Variants in HDAC9 observed in about 807,000 individuals in gnomAD.
HDAC9 encodes histone deacetylase 9, also known as MEF-2 interacting transcription repressor (MITR) protein.
Under a neutral mutation model 139.4 loss-of-function variants are expected in HDAC9, and 41 were observed. The ratio of observed to expected loss-of-function variants is 0.29; its 90% CI spans 0.23 to 0.38. HDAC9 has a LOEUF of 0.38. Ranked by LOEUF, HDAC9 falls within the 10% of genes least tolerant of loss-of-function variation. HDAC9 has a pLI of 1.00. For missense variants in HDAC9, 1,147 were observed against 1,297.0 expected (o/e 0.88, Z 1.78); for synonymous variants, 517 against 476.2 (o/e 1.09, Z -1.12).
At chr7:18,429,724 G>A (rs1472275798) in intron 1 of HDAC9, among the ~76,000 whole-genome samples, 2 of 152,182 alleles carry the variant, frequency 1.3e-5, no homozygotes, top group Non-Finnish European at 2.9e-5. Context: ...TAAACTTGGA[G>A]AGGCAGAAAT....
intron 2 of HDAC9, among the ~76,000 whole-genome samples, chr7:18,523,936 C>T (rs992477029): frequency 1.6e-5 from 2 of 127,698 alleles, no homozygotes; most frequent in Non-Finnish European, 3.2e-5. Context: ...CATTGCTTGT[C>T]TTGCTATTCA....
chr7:18,647,466 C>G (rs963416522), intron 9 of HDAC9, among the ~76,000 whole-genome samples: 2 of 152,230 alleles, frequency 1.3e-5, no homozygotes, highest in Middle Eastern at 3.4e-3. Context: ...TAGTCATCAT[C>G]ATGTACAACA....
chr7:18,582,941 A>T (rs912485636), intron 2 of HDAC9, among the ~76,000 whole-genome samples: 8 of 152,180 alleles, frequency 5.3e-5, no homozygotes, highest in African/African-American at 1.9e-4. Flanking sequence ...ATATGTATAC[A>T]CGTGGGTCAT....
intron 1 of HDAC9, among the ~76,000 whole-genome samples, chr7:18,132,464 C>T (rs1037988756): frequency 2.0e-5 from 3 of 151,976 alleles, no homozygotes; most frequent in Admixed American, 1.3e-4. Flanking sequence ...GGTTAAAGTG[C>T]AGCGGGTGAT....
intron 2 of HDAC9, among the ~76,000 whole-genome samples, chr7:18,206,016 T>A (rs1791484570): frequency 6.6e-6 from 1 of 152,192 alleles, no homozygotes; most frequent in Non-Finnish European, 1.5e-5. Context: ...GAGATTTTTT[T>A]AATAGTAACT....
intron 11 of HDAC9, 69 bp downstream of exon 11, chr7:18,648,752 T>C (rs1562747859): frequency 3.8e-6 from 5 of 1,303,640 alleles, no homozygotes; most frequent in South Asian, 1.3e-5. Flanking sequence ...TTCACTGATA[T>C]GGGTGTCTAA....
chr7:18,939,927 C>T (rs1781908214), intron 23 of HDAC9, among the ~76,000 whole-genome samples: 1 of 152,150 alleles, frequency 6.6e-6, no homozygotes, highest in Non-Finnish European at 1.5e-5. Context: ...TTAGAAAGGT[C>T]AAGAGGGGCC....
At chr7:18,251,328 G>A (rs900528167) in intron 2 of HDAC9, among the ~76,000 whole-genome samples, 1 of 152,088 alleles carries the variant, frequency 6.6e-6, no homozygotes, top group African/African-American at 2.4e-5. Flanking sequence ...GACACACTGG[G>A]AGGAAACAGC....
chr7:18,975,941 A>G lies in HDAC9; in HGVS notation c.3158A>G (p.Gln1053Arg), dbSNP rs1784519425. Residue 1053 changes from glutamine to arginine, a missense_variant, in exon 25 of 26, where the codon CAG becomes CGG. Gln to Arg is a conservative substitution (Grantham distance 43). Around this residue, in one of 7 missense-constraint regions of HDAC9, gnomAD observed 407 missense variants for 521.5 expected, o/e 0.78. Coordinates refer to ENST00000686413, the MANE Select transcript of HDAC9 (RefSeq NM_178425.4). ...GTGGATGTGGAACAGCCCTTTGCTCAGGAAGACAGCAGGTATGAATCCAAC... is the reference window on the plus strand; with the variant it reads ...GTGGATGTGGAACAGCCCTTTGCTCGGGAAGACAGCAGGTATGAATCCAAC... The part of the protein sequence containing the change: ...LTVDVEQPFA[Q>R]EDSRTAGEPM... 2 of 1,613,682 alleles carry G rather than the reference A, an allele frequency of 1.2e-6. No homozygotes were observed. Among genetic ancestry groups the G allele is most frequent in the East Asian group, 4.5e-5 (2 of 44,874 alleles).
chr7:18,749,279 C>A, intron 14 of HDAC9, 141 bp downstream of exon 14: 1 of 933,560 alleles, frequency 1.1e-6, no homozygotes, highest in Non-Finnish European at 1.6e-6. Context: ...ATTCAGGTAG[C>A]ACAGAGCTTA....
intron 2 of HDAC9, among the ~76,000 whole-genome samples, chr7:18,531,754 T>C (rs1310208071): frequency 6.7e-6 from 1 of 149,466 alleles, no homozygotes; most frequent in Non-Finnish European, 1.5e-5. Context: ...TAAGCAAAAC[T>C]CAATACCCTT....
At chr7:18,545,816 G>T (rs78108168) in intron 2 of HDAC9, among the ~76,000 whole-genome samples, 5,878 of 152,086 alleles carry the variant, frequency 0.039, 387 homozygotes, top group African/African-American at 0.13. Context: ...GGCAAAATTC[G>T]ACCTACTGGT....
intron 2 of HDAC9, among the ~76,000 whole-genome samples, chr7:18,516,633 G>A (rs997108566): frequency 2.0e-5 from 3 of 152,120 alleles, no homozygotes; most frequent in African/African-American, 7.2e-5. Context: ...GCCGAGGTGG[G>A]TGGATCACCT....
chr7:18,784,962 TGTGTGTGTGTGTC>T (rs1562939413), intron 16 of HDAC9, among the ~76,000 whole-genome samples: 4 of 151,774 alleles, frequency 2.6e-5, no homozygotes, highest in Non-Finnish European at 4.4e-5. Context: ...TGTGTGTGTG[TGTGTGTGTGTGTC>T]TGTGTGTGCA....
intron 22 of HDAC9, among the ~76,000 whole-genome samples, chr7:18,903,571 AGC>A (rs1460741490): frequency 1.3e-5 from 2 of 152,316 alleles, no homozygotes; most frequent in South Asian, 2.1e-4. Flanking sequence ...TTTCACTGGC[AGC>A]CAGCATGTGA....
At chr7:18,330,830 G>A (rs769172168) in intron 1 of HDAC9, among the ~76,000 whole-genome samples, 1 of 151,630 alleles carries the variant, frequency 6.6e-6, no homozygotes, top group African/African-American at 2.4e-5. Flanking sequence ...AAACAATAAA[G>A]TTATGCAAAT....
At chr7:18,368,723 A>T (rs1784373660) in intron 1 of HDAC9, among the ~76,000 whole-genome samples, 1 of 152,012 alleles carries the variant, frequency 6.6e-6, no homozygotes, top group Non-Finnish European at 1.5e-5. Flanking sequence ...AGAAGGAACA[A>T]CATGTCCAGG....
In HDAC9 at chr7:18,824,047, A is replaced by AGAGGAG. The variant is rs763792667; in HGVS notation, c.2323-5112_2323-5111insGGAGGA. 1.2e-3 allele frequency among the ~76,000 whole-genome samples: 158 copies of AGAGGAG among 133,446 alleles called. 1 individual carries two copies. Among genetic ancestry groups the AGAGGAG allele is most frequent in the Middle Eastern group, 3.9e-3 (1 of 256 alleles). 87.5% of individuals were successfully genotyped at this position (133,446 alleles called of 152,430 possible). ...AAGAGGAAGAGGAAGAGGAAGAGGAAGAAGAAGAAGAAGAAGAAGAAGAAG... is the reference window on the plus strand; with the variant it reads ...AAGAGGAAGAGGAAGAGGAAGAGGAAGAGGAGGAAGAAGAAGAAGAAGAAGAAGAAG... On this transcript the variant is annotated intron_variant, in intron 17 of 25. Transcript: ENST00000686413.
intron 11 of HDAC9, among the ~76,000 whole-genome samples, chr7:18,655,745 C>T (rs1790923753): frequency 6.6e-6 from 1 of 152,172 alleles, no homozygotes; most frequent in African/African-American, 2.4e-5. Flanking sequence ...CTTTCCTTTT[C>T]ACTCTGCACT....
Sources: allele counts gnomAD v4.1 joint callset (sites outside exome capture counted in the v4.1 genomes callset), GRCh38; gene constraint gnomAD v4.1.1; regional missense constraint gnomAD v4.1.1; transcripts MANE v1.5; gene names NCBI Gene and HGNC (gene_info 2026-07-23, HGNC 2026-07-21).